The following FAM227B variants were observed in gnomAD, a reference collection of about 807,000 sequenced individuals.
FAM227B encodes the protein family with sequence similarity 227 member B.
Under a neutral mutation model 73.8 loss-of-function variants are expected in FAM227B, and 88 were observed. The ratio of observed to expected loss-of-function variants is 1.19; its 90% CI spans 1.00 to 1.42. The LOEUF is 1.42. Among genes scored for constraint, FAM227B ranks in the 40% most tolerant of loss-of-function variants. FAM227B has a pLI of 0.00. For synonymous variants in FAM227B, 210 were observed against 190.5 expected (o/e 1.10, Z -0.84); for missense variants, 632 against 590.9 (o/e 1.07, Z -0.72).
At chr15:49,584,912 G>A (rs896233298) in intron 5 of FAM227B, among the ~76,000 whole-genome samples, 1 of 151,994 alleles carries the variant, frequency 6.6e-6, no homozygotes, top group Non-Finnish European at 1.5e-5. Context: ...GCAACCTACA[G>A]AATGGGAGAA....
intron 11 of FAM227B, among the ~76,000 whole-genome samples, chr15:49,420,085 G>A (rs1036286230): frequency 6.6e-6 from 1 of 152,124 alleles, no homozygotes; most frequent in African/African-American, 2.4e-5. Context: ...CTGCTGGTGG[G>A]ATTATAAAAC....
At chr15:49,520,583 T>C (rs1351770684) in intron 10 of FAM227B, among the ~76,000 whole-genome samples, 2 of 152,142 alleles carry the variant, frequency 1.3e-5, no homozygotes, top group Non-Finnish European at 2.9e-5. Context: ...CTCACAATCA[T>C]GGTGGAAAGC....
chr15:49,528,025 C>A (rs941122180), intron 10 of FAM227B, among the ~76,000 whole-genome samples: 16 of 151,688 alleles, frequency 1.1e-4, no homozygotes, highest in Middle Eastern at 3.4e-3. Flanking sequence ...AATATGGAAT[C>A]AAAAAATGCC....
chr15:49,485,164 G>T (rs1567371430), intron 11 of FAM227B: 1 of 152,300 alleles, frequency 6.6e-6, no homozygotes, highest in Non-Finnish European at 1.5e-5. Flanking sequence ...CAAGTGGAAA[G>T]GGTATTGCTA....
chr15:49,470,020 T>C (rs891513060), intron 11 of FAM227B, among the ~76,000 whole-genome samples: 23 of 152,164 alleles, frequency 1.5e-4, no homozygotes, highest in African/African-American at 5.5e-4. Context: ...GTAGCTATGC[T>C]TTAACATATT....
At chr15:49,401,384 C>T (rs891706661) in intron 11 of FAM227B, among the ~76,000 whole-genome samples, 3 of 151,900 alleles carry the variant, frequency 2.0e-5, no homozygotes, top group Non-Finnish European at 4.4e-5. Flanking sequence ...GAAATAGGAA[C>T]ACTTTTACAC....
chr15:49,341,858 A>G (rs985416163), intron 13 of FAM227B, among the ~76,000 whole-genome samples: 7 of 152,116 alleles, frequency 4.6e-5, no homozygotes, highest in African/African-American at 1.7e-4. Flanking sequence ...GTTTTGGGAA[A>G]TCTTTTTGGT....
chr15:49,525,463 G>C (rs550896431), intron 10 of FAM227B, among the ~76,000 whole-genome samples: 2 of 151,636 alleles, frequency 1.3e-5, no homozygotes, highest in Admixed American at 1.3e-4. Flanking sequence ...CCCAATCTTG[G>C]ATATGTCTTT....
intron 3 of FAM227B, among the ~76,000 whole-genome samples, chr15:49,600,736 G>T (rs978957879): frequency 6.6e-6 from 1 of 151,508 alleles, no homozygotes; most frequent in African/African-American, 2.4e-5. Context: ...AGCAATTATT[G>T]ACATGGAATA....
intron 11 of FAM227B, among the ~76,000 whole-genome samples, chr15:49,439,619 G>C (rs1280171467): frequency 6.6e-6 from 1 of 151,726 alleles, no homozygotes; most frequent in Non-Finnish European, 1.5e-5. Flanking sequence ...TAAGTTTGTG[G>C]AATAAGCTTG....
At chr15:49,502,686 G>C (rs2058240973) in intron 11 of FAM227B, among the ~76,000 whole-genome samples, 1 of 152,202 alleles carries the variant, frequency 6.6e-6, no homozygotes, top group African/African-American at 2.4e-5. Context: ...GATTTTCGGG[G>C]ACTGTTGGGA....
At chr15:49,414,713 G>A (rs1305179723) in intron 11 of FAM227B, among the ~76,000 whole-genome samples, 3 of 152,096 alleles carry the variant, frequency 2.0e-5, no homozygotes, top group Non-Finnish European at 4.4e-5. Flanking sequence ...CTTGATCTAG[G>A]ATGTGAAAGT....
At chr15:49,344,788 T>G (rs748340522) in intron 13 of FAM227B, among the ~76,000 whole-genome samples, 6 of 152,186 alleles carry the variant, frequency 3.9e-5, no homozygotes, top group South Asian at 2.1e-4. Context: ...AATAAAAGGT[T>G]CAGCAATCTT....
At chr15:49,525,711 T>A (rs57451462) in intron 10 of FAM227B, among the ~76,000 whole-genome samples, 28 of 63,202 alleles carry the variant, frequency 4.4e-4, no homozygotes, top group Non-Finnish European at 8.5e-4. Context: ...TATATATATA[T>A]ATATATATCA....
intron 9 of FAM227B, among the ~76,000 whole-genome samples, chr15:49,545,135 C>T (rs2071643103): frequency 6.6e-6 from 1 of 151,646 alleles, no homozygotes; most frequent in Non-Finnish European, 1.5e-5. Context: ...GATCCTCAAA[C>T]TTTTTTTTGG....
chr15:49,402,262 G>A (rs1048862864), intron 11 of FAM227B, among the ~76,000 whole-genome samples: 3 of 152,156 alleles, frequency 2.0e-5, no homozygotes, highest in Non-Finnish European at 4.4e-5. Context: ...TTTTTGCAGA[G>A]AAAGGGCTAT....
chr15:49,364,616 T>C (rs1048190022), intron 13 of FAM227B, among the ~76,000 whole-genome samples: 2 of 152,214 alleles, frequency 1.3e-5, no homozygotes, highest in African/African-American at 4.8e-5. Flanking sequence ...AATATGCACT[T>C]ACATTTATTC....
chr15:49,587,317 CTG>C lies in FAM227B; in HGVS notation c.405+697_405+698del, dbSNP rs1465107988. ...AACTCATAGAGGAGAACAACAGACA[CTG>C]GGGCCTATTGAAGGGTGGATGGCAG... is the stretch of plus-strand genomic sequence containing the variant. On this transcript the variant is annotated intron_variant, in intron 5 of 15. Coordinates refer to ENST00000299338, the MANE Select transcript of FAM227B (RefSeq NM_152647.3). Among the ~76,000 whole-genome samples the C allele has an allele frequency of 2.0e-5, 3 of 152,046 alleles. No individual in the cohort carries two copies. In the East Asian group the frequency reaches 5.8e-4, roughly 29 times the overall value.
At chr15:49,332,087 CCA>C (rs377139081) in intron 14 of FAM227B, among the ~76,000 whole-genome samples, 49,674 of 127,546 alleles carry the variant, frequency 0.39, 8,640 homozygotes, top group Admixed American at 0.46. Flanking sequence ...TGCACACGTG[CCA>C]CACACACACA....
Sources: allele counts gnomAD v4.1 joint callset (sites outside exome capture counted in the v4.1 genomes callset), GRCh38; gene constraint gnomAD v4.1.1; transcripts MANE v1.5; gene names NCBI Gene and HGNC (gene_info 2026-07-23, HGNC 2026-07-21).